The following EXTL3 variants were observed in gnomAD, a reference collection of about 807,000 sequenced individuals.
The protein encoded by EXTL3 is exostosin like glycosyltransferase 3, also known as exostosin-like 3.
Under a neutral mutation model 69.3 loss-of-function variants are expected in EXTL3, and 27 were observed. That is an observed-to-expected ratio of 0.39 (90% CI 0.29 to 0.54). EXTL3 has a LOEUF of 0.54. Ranked by LOEUF, EXTL3 falls within the 20% of genes least tolerant of loss-of-function variation. The pLI is 0.69. For missense variants in EXTL3, 1,003 were observed against 1,231.8 expected (o/e 0.81, Z 2.78); for synonymous variants, 511 against 499.4 (o/e 1.02, Z -0.31).
At position 28,716,616 on chromosome 8, in the gene EXTL3, C is replaced by G. The variant is rs1347194871; in HGVS notation, c.557C>G (p.Ser186Cys). The G allele has an allele frequency of 6.2e-7, 1 of 1,614,118 alleles. No homozygotes were observed. Among genetic ancestry groups the G allele is most frequent in the Non-Finnish European group, 8.5e-7 (1 of 1,180,050 alleles). ...CGGCTACACAACTGCTTTGATTATT[C>G]TCGTTGCCCTCTCACCTCTGGCTTC... is the stretch of plus-strand genomic sequence containing the variant. ...GCRLHNCFDYSRCPLTSGFPV... is the reference protein window; with the variant it reads ...GCRLHNCFDYCRCPLTSGFPV... The change falls in exon 3 of 7, where the codon TCT becomes TGT. Residue 186 changes from serine (S) to cysteine (C), a missense_variant. Physicochemically the swap from Ser to Cys is moderately radical, Grantham distance 112. This residue lies in a region of EXTL3 where 742 missense variants were observed against 815.4 expected (regional missense o/e 0.91). Coordinates refer to ENST00000220562, the MANE Select transcript of EXTL3 (RefSeq NM_001440.4). The surrounding 1 kb of genome is among the most constrained non-coding windows in gnomAD (Gnocchi z 7.1).
intron 1 of EXTL3, among the ~76,000 whole-genome samples, chr8:28,671,829 G>A (rs1005721678): frequency 1.3e-5 from 2 of 152,134 alleles, no homozygotes; most frequent in Non-Finnish European, 2.9e-5. Flanking sequence ...TTTCTTTATC[G>A]TACGGTGAAT....
At chr8:28,610,935 G>T (rs1026628204) in intron 2 of EXTL3, among the ~76,000 whole-genome samples, 11 of 152,126 alleles carry the variant, frequency 7.2e-5, no homozygotes, top group African/African-American at 2.7e-4. Flanking sequence ...TAAAGATGGG[G>T]TTTCACCATG....
chr8:28,674,603 G>A lies in EXTL3; in HGVS notation c.-52-38854G>A, dbSNP rs546075826. Among the ~76,000 whole-genome samples, 4 of 152,336 alleles carry A rather than the reference G, an allele frequency of 2.6e-5. No individual in the cohort carries two copies. In the East Asian group the frequency reaches 5.8e-4, roughly 22 times the overall value. Reference sequence around the variant, plus strand: ...TCAAATGCAGAACCTCATCCTGCAAGTGGCTGAATTACAACGCAAGTTGAA... The same window carrying A: ...TCAAATGCAGAACCTCATCCTGCAAATGGCTGAATTACAACGCAAGTTGAA... On this transcript the variant is annotated intron_variant, in intron 1 of 6. Coordinates refer to the EXTL3 transcript ENST00000523149.
chr8:28,737,400 G>C, intron 4 of EXTL3, 119 bp from the exon 5 acceptor site: 1 of 1,057,598 alleles, frequency 9.5e-7, no homozygotes, highest in Non-Finnish European at 1.5e-6. Context: ...ATTTTGAAAG[G>C]ATACGAGAAG....
intron 4 of EXTL3, among the ~76,000 whole-genome samples, chr8:28,733,641 C>T (rs1157663413): frequency 6.6e-6 from 1 of 150,882 alleles, no homozygotes; most frequent in Non-Finnish European, 1.5e-5. Context: ...GAGCAAGCCT[C>T]CCAAGTGCTG....
chr8:28,731,494 G>C, intron 4 of EXTL3, 144 bp downstream of exon 4: 1 of 820,646 alleles, frequency 1.2e-6, no homozygotes, highest in Non-Finnish European at 2.0e-6. Context: ...CTGGATGCAG[G>C]CTCGTAGATG....
chr8:28,663,359 G>T (rs1374410726), intron 1 of EXTL3, among the ~76,000 whole-genome samples: 1 of 152,236 alleles, frequency 6.6e-6, no homozygotes, highest in Non-Finnish European at 1.5e-5. Context: ...CAGATCAGTT[G>T]CAGAAAAGCG....
chr8:28,677,249 A>G lies in EXTL3; in HGVS notation c.-52-36208A>G, dbSNP rs149246431. ...ATGGTGCCTGCTTTTAGAAAACTAA[A>G]GCCGCTTTGAGGAAGATGATTTCTT... On this transcript the variant is annotated intron_variant, in intron 1 of 6. Coordinates refer to the EXTL3 transcript ENST00000523149. Among the ~76,000 whole-genome samples, 1,027 of 152,228 alleles carry G rather than the reference A, an allele frequency of 6.7e-3. 10 individuals carry two copies. The highest frequency in any genetic ancestry group is 0.023 in the African/African-American group (953 of 41,516).
intron 6 of EXTL3, among the ~76,000 whole-genome samples, chr8:28,745,183 G>A (rs1801863120): frequency 6.6e-6 from 1 of 152,166 alleles, no homozygotes; most frequent in Admixed American, 6.5e-5. Flanking sequence ...ACTCCAGCCT[G>A]GGCATTGTAG....
chr8:28,686,586 C>A (rs1807581474), intron 1 of EXTL3, among the ~76,000 whole-genome samples: 1 of 152,018 alleles, frequency 6.6e-6, no homozygotes, highest in Admixed American at 6.6e-5. Context: ...TGGAACTTAC[C>A]ACTTATGTTA....
intron 1 of EXTL3, chr8:28,631,623 C>T (rs1419430728): frequency 1.3e-5 from 2 of 152,118 alleles, no homozygotes; most frequent in Non-Finnish European, 2.9e-5. Context: ...GATGGGCGGA[C>T]CAGGGATTAG....
At chr8:28,749,047 G>A (rs1164855711) in intron 6 of EXTL3, among the ~76,000 whole-genome samples, 1 of 152,104 alleles carries the variant, frequency 6.6e-6, no homozygotes, top group Non-Finnish European at 1.5e-5. Context: ...AGCAGAGGAA[G>A]TTCCCACTTA....
chr8:28,717,776 C>T lies in EXTL3; in HGVS notation c.1717C>T (p.Leu573=). 1 of 1,613,870 alleles carries T rather than the reference C, an allele frequency of 6.2e-7. No individual in the cohort carries two copies. The highest frequency in any genetic ancestry group is 8.5e-7 in the Non-Finnish European group (1 of 1,179,760). The change falls in exon 3 of 7, where the codon CTG becomes TTG. Residue 573 remains leucine (L), a synonymous_variant. Transcript: ENST00000220562. This position sits in a 1 kb window ranked among gnomAD's most constrained non-coding sequence, Gnocchi z 8.3. ...TDPNMADNGD[L]DLGPVETEPP... ...CCCCAACATGGCTGACAACGGGGAC[C>T]TGGACCTGGGGCCAGTGGAGACGGA...
intron 1 of EXTL3, among the ~76,000 whole-genome samples, chr8:28,668,599 A>G (rs977572836): frequency 4.6e-5 from 7 of 151,974 alleles, no homozygotes; most frequent in Admixed American, 3.9e-4. Context: ...GGCTTCCCAA[A>G]ATGCTGAGAT....
chr8:28,732,826 C>T (rs62504327), intron 4 of EXTL3, among the ~76,000 whole-genome samples: 5 of 152,068 alleles, frequency 3.3e-5, no homozygotes, highest in Non-Finnish European at 7.4e-5. Context: ...CAGGTTCAAG[C>T]GATTCTTTCA....
chr8:28,727,033 C>G (rs756244830), intron 3 of EXTL3, among the ~76,000 whole-genome samples: 1 of 151,950 alleles, frequency 6.6e-6, no homozygotes, highest in Admixed American at 6.6e-5. Flanking sequence ...TGCCCTCCCC[C>G]ATGCCTGGCT....
rs560966555 is a variant in EXTL3 at position 28,721,978 on chromosome 8, C to T, written c.2148+3771C>T. Among the ~76,000 whole-genome samples the T allele has an allele frequency of 7.7e-4, 117 of 152,248 alleles. 1 individual carries two copies. The highest frequency in any genetic ancestry group is 1.3e-3 in the Non-Finnish European group (90 of 68,014). ...CTGCTGAGACAGTCTCTTGGCAGCC[C>T]GTCCCTGAGTCTTAGGTTTTCATTC... On this transcript the variant is annotated intron_variant, in intron 3 of 6. Transcript: ENST00000220562.
chr8:28,632,571 T>TGAGA (rs1806585081), intron 1 of EXTL3, among the ~76,000 whole-genome samples: 3 of 150,508 alleles, frequency 2.0e-5, no homozygotes, highest in Non-Finnish European at 3.0e-5. Context: ...TTTTTTTTTT[T>TGAGA]TGAGAGGAGT....
At chr8:28,739,138 G>C (rs1263552579) in intron 5 of EXTL3, among the ~76,000 whole-genome samples, 1 of 152,128 alleles carries the variant, frequency 6.6e-6, no homozygotes, top group Non-Finnish European at 1.5e-5. Flanking sequence ...GCTGAGGTCT[G>C]CGTTTGTATA....
Sources: allele counts gnomAD v4.1 joint callset (sites outside exome capture counted in the v4.1 genomes callset), GRCh38; gene constraint gnomAD v4.1.1; regional missense constraint gnomAD v4.1.1; non-coding constraint Gnocchi (gnomAD v3.1); transcripts MANE v1.5; gene names NCBI Gene and HGNC (gene_info 2026-07-23, HGNC 2026-07-21).